The following CNIH3 variants were observed in gnomAD, a reference collection of about 807,000 sequenced individuals.
The protein encoded by CNIH3 is cornichon family AMPA receptor auxiliary protein 3.
In CNIH3, 14 loss-of-function variants were observed where a neutral mutation model predicts 24.1. That is an observed-to-expected ratio of 0.58 (90% CI 0.38 to 0.91). The LOEUF (loss-of-function observed/expected upper bound fraction) is 0.91, where lower values mean the gene tolerates loss of function less well. Among genes scored for constraint, CNIH3 ranks in the 40% least tolerant of loss-of-function variants. CNIH3 has a pLI of 0.00. For missense variants in CNIH3, 178 were observed against 196.8 expected, an observed-to-expected ratio of 0.90 and a Z score of 0.57; for synonymous variants, 68 against 73.8, an observed-to-expected ratio of 0.92 and a Z score of 0.40.
At chr1:224,630,145 A>G (rs910193363) in intron 1 of CNIH3, among the ~76,000 whole-genome samples, 6 of 152,122 alleles carry the variant, frequency 3.9e-5, no homozygotes, top group Admixed American at 2.6e-4. Flanking sequence ...GAACTGAGGA[A>G]TGCACCTGCC....
Position 224,623,008 on chromosome 1 carries a change from A to G in CNIH3, c.81+5753A>G, listed in dbSNP as rs145651337. Among the ~76,000 whole-genome samples the G allele has an allele frequency of 2.1e-3, 317 of 152,262 alleles. 2 individuals are homozygous for G. The highest frequency in any genetic ancestry group is 0.016 in the South Asian group (76 of 4,830). On this transcript the variant is annotated intron_variant, in intron 1 of 5. Transcript: ENST00000272133. ...CCTATGGGCCCCTCCACTGGGCACC[A>G]CTGAGGACTTGGCTCCTGGTCACTG...
chr1:224,446,632 G>T (rs1675177211), intron 1 of CNIH3, among the ~76,000 whole-genome samples: 1 of 152,164 alleles, frequency 6.6e-6, no homozygotes, highest in African/African-American at 2.4e-5. Context: ...GTATTCTTTA[G>T]TCTTGAGTTA....
downstream of CNIH3, among the ~76,000 whole-genome samples, chr1:224,538,396 G>A (rs986684902): frequency 6.6e-6 from 1 of 152,192 alleles, no homozygotes; most frequent in South Asian, 2.1e-4. Flanking sequence ...TCTCTTAGGA[G>A]TGTGGAGGAG....
intron 3 of CNIH3, among the ~76,000 whole-genome samples, chr1:224,691,535 G>A (rs1326233531): frequency 6.6e-6 from 1 of 152,204 alleles, no homozygotes; most frequent in Non-Finnish European, 1.5e-5. Flanking sequence ...AGAGGCATGG[G>A]GAACCTACCT....
chr1:224,595,028 G>T (rs1681919533), intron 3 of CNIH3, among the ~76,000 whole-genome samples: 1 of 152,104 alleles, frequency 6.6e-6, no homozygotes, highest in African/African-American at 2.4e-5. Flanking sequence ...TCATGTGCTT[G>T]CCTCATGTCT....
At chr1:224,457,067 C>T (rs1281240390) in intron 1 of CNIH3, among the ~76,000 whole-genome samples, 1 of 152,150 alleles carries the variant, frequency 6.6e-6, no homozygotes, top group Non-Finnish European at 1.5e-5. Context: ...ACGGTCCACA[C>T]CCTGCTCTCA....
At chr1:224,435,061 C>A in intron 1 of CNIH3, 1 of 985,680 alleles carries the variant, frequency 1.0e-6, no homozygotes, top group Non-Finnish European at 1.2e-6. Flanking sequence ...GCAGTAAGTT[C>A]GTAGCCGCCC....
chr1:224,532,339 G>A (rs910079020), intron 2 of CNIH3, among the ~76,000 whole-genome samples: 4 of 152,194 alleles, frequency 2.6e-5, no homozygotes, highest in Admixed American at 2.6e-4. Flanking sequence ...TGTGGGCTTT[G>A]GGTTTTAGTC....
intron 1 of CNIH3, among the ~76,000 whole-genome samples, chr1:224,666,619 G>T (rs1473118662): frequency 6.6e-6 from 1 of 152,130 alleles, no homozygotes; most frequent in African/African-American, 2.4e-5. Context: ...CAGTTTGTGG[G>T]TTTCTGCAGG....
intron 1 of CNIH3, among the ~76,000 whole-genome samples, chr1:224,620,693 T>TTG (rs1683235791): frequency 6.6e-6 from 1 of 152,166 alleles, no homozygotes; most frequent in Non-Finnish European, 1.5e-5. Flanking sequence ...AGATTATCTC[T>TTG]TGTGTATTTT....
In CNIH3 at chr1:224,563,460, GGTGTGTGT is replaced by G. The variant is rs55836837; in HGVS notation, n.451-2708_451-2701del. On this transcript the variant is annotated intron_variant and non_coding_transcript_variant, in intron 3 of 5. Transcript: ENST00000471578. ...TACTACATTGAAATATTTTAGACGG[GGTGTGTGT>G]GTGTGTGTGTGTGTGTGTGTGTGTG... is the stretch of plus-strand genomic sequence containing the variant. 4.7e-3 allele frequency among the ~76,000 whole-genome samples: 695 copies of G among 146,468 alleles called. 4 individuals are homozygous for G. The highest frequency in any genetic ancestry group is 0.015 in the African/African-American group (591 of 39,618).
chr1:224,584,187 A>C (rs572222084), intron 5 of CNIH3, among the ~76,000 whole-genome samples: 25 of 152,332 alleles, frequency 1.6e-4, no homozygotes, highest in South Asian at 6.2e-4. Context: ...TCTCAGCTTG[A>C]GTTTTGTTCA....
chr1:224,695,940 T>C (rs115475897), intron 3 of CNIH3, among the ~76,000 whole-genome samples: 124 of 152,368 alleles, frequency 8.1e-4, no homozygotes, highest in African/African-American at 2.8e-3. Context: ...CATAATATCC[T>C]TCTCCTCTCA....
At chr1:224,638,460 A>G (rs1684199380) in intron 1 of CNIH3, among the ~76,000 whole-genome samples, 1 of 152,102 alleles carries the variant, frequency 6.6e-6, no homozygotes, top group South Asian at 2.1e-4. Flanking sequence ...ATTCTTCCCC[A>G]TGCCATGTCA....
At chr1:224,521,387 T>C (rs1409495297) in intron 2 of CNIH3, 1 of 152,196 alleles carries the variant, frequency 6.6e-6, no homozygotes, top group African/African-American at 2.4e-5. Flanking sequence ...TTTAAGATGC[T>C]TTCAATTAGT....
chr1:224,575,009 C>A, intron 4 of CNIH3: 2 of 876,914 alleles, frequency 2.3e-6, no homozygotes, highest in Non-Finnish European at 2.0e-6. Context: ...GCCACCCGTA[C>A]CTCACTCAGG....
chr1:224,543,260 G>A (rs527335961), intron 2 of CNIH3, among the ~76,000 whole-genome samples: 1 of 152,320 alleles, frequency 6.6e-6, no homozygotes, highest in South Asian at 2.1e-4. Context: ...TATGGGGAAA[G>A]AGGGCACAGG....
At chr1:224,465,599 G>A (rs1384116494) in intron 1 of CNIH3, among the ~76,000 whole-genome samples, 1 of 152,148 alleles carries the variant, frequency 6.6e-6, no homozygotes, top group Non-Finnish European at 1.5e-5. Flanking sequence ...TGAACAGCCA[G>A]TTTTCTTTTT....
intron 1 of CNIH3, among the ~76,000 whole-genome samples, chr1:224,466,388 A>G (rs1308744944): frequency 6.6e-6 from 1 of 152,224 alleles, no homozygotes; most frequent in Non-Finnish European, 1.5e-5. Flanking sequence ...AAAATCAATC[A>G]GCATAATTCC....
Sources: allele counts gnomAD v4.1 joint callset (sites outside exome capture counted in the v4.1 genomes callset), GRCh38; gene constraint gnomAD v4.1.1; transcripts MANE v1.5; gene names NCBI Gene and HGNC (gene_info 2026-07-23, HGNC 2026-07-21).